NEB: variants seen among roughly 807,000 people sequenced by gnomAD.
NEB encodes the protein nemaline myopathy type 2.
A neutral mutation model predicts 952.2 loss-of-function variants in NEB; 512 were observed. That is an observed-to-expected ratio of 0.54 (90% confidence interval 0.50 to 0.58). The LOEUF is 0.58. Among genes scored for constraint, NEB ranks in the 20% least tolerant of loss-of-function variants. The probability of loss-of-function intolerance (pLI) is 0.00; values close to 1 mark genes in which losing one functional copy is unlikely to be tolerated. For missense variants in NEB, 8,428 were observed against 9,231.1 expected, an observed-to-expected ratio of 0.91 and a Z score of 3.56; for synonymous variants, 2,900 against 3,149.8, an observed-to-expected ratio of 0.92 and a Z score of 2.66.
Position 151,724,364 on chromosome 2 carries a change from C to T in NEB, c.508G>A (p.Val170Ile). 1.2e-6 allele frequency: 2 copies of T among 1,606,790 alleles called. No individual in the cohort carries two copies. Among genetic ancestry groups the T allele is most frequent in the Non-Finnish European group, 1.7e-6 (2 of 1,175,752 alleles). Residue 170 changes from valine to isoleucine, a missense_variant and splice_region_variant, in exon 8 of 182, where the codon GTT becomes ATT. This residue lies in a region of NEB where 2,851 missense variants were observed against 2,791.5 expected (regional missense o/e 1.02). Coordinates refer to ENST00000397345, the MANE Select transcript of NEB (RefSeq NM_001164508.2). The stretch of plus-strand genomic sequence containing the variant: ...TCTTCCCAGTTCTGCTTGTATAAAA[C>T]CTAGACAGAAGGAGCAGAGGATCTG... ...AKKVSQQVSK[V>I]LYKQNWEDTK...
At chr2:151,690,678 G>A in intron 24 of NEB, 49 bp downstream of exon 24, 2 of 1,327,230 alleles carry the variant, frequency 1.5e-6, no homozygotes, top group Non-Finnish European at 2.1e-6. Flanking sequence ...CATTTTAAAT[G>A]AGCAAAGCAC....
intron 57 of NEB, 55 bp from the exon 58 acceptor site, chr2:151,643,408 A>C (rs1324919630): frequency 5.0e-6 from 7 of 1,405,694 alleles, no homozygotes; most frequent in Non-Finnish European, 5.8e-6. Context: ...ACAATTTGTC[A>C]TAATTTGTCA....
chr2:151,502,029 G>T (rs762428980), intron 167 of NEB, among the ~76,000 whole-genome samples: 1 of 152,198 alleles, frequency 6.6e-6, no homozygotes, highest in Non-Finnish European at 1.5e-5. Context: ...GAATGAAAAT[G>T]TTTAAGAATG....
chr2:151,595,181 AG>A (rs2097393864), intron 92 of NEB, among the ~76,000 whole-genome samples: 1 of 141,760 alleles, frequency 7.1e-6, no homozygotes, highest in South Asian at 2.5e-4. Flanking sequence ...ACGCAGAGAA[AG>A]GGAACAAGGT....
intron 161 of NEB, among the ~76,000 whole-genome samples, chr2:151,508,946 C>T (rs751332969): frequency 3.3e-5 from 5 of 152,196 alleles, no homozygotes; most frequent in African/African-American, 7.2e-5. Flanking sequence ...CTTTCATCAT[C>T]GCTTGTCACT....
In NEB at chr2:151,609,800, G is replaced by T. The variant is rs770107122; in HGVS notation, c.12330+9C>A. The stretch of plus-strand genomic sequence containing the variant: ...CCCTTCCCCCTTTCCCAAAATTCAT[G>T]TTACGTACATCACTCTGCAGGTCAT... On this transcript the variant is annotated intron_variant, in intron 81 of 181. Coordinates refer to ENST00000397345, the MANE Select transcript of NEB (RefSeq NM_001164508.2). 2.6e-6 allele frequency: 4 copies of T among 1,554,312 alleles called. No individual in the cohort carries two copies. Among genetic ancestry groups the T allele is most frequent in the Non-Finnish European group, 3.5e-6 (4 of 1,151,972 alleles).
intron 57 of NEB, among the ~76,000 whole-genome samples, 154 bp downstream of exon 57, chr2:151,643,664 G>A (rs1205335798): frequency 6.6e-6 from 1 of 152,144 alleles, no homozygotes; most frequent in Admixed American, 6.6e-5. Flanking sequence ...CTTTCTTTGT[G>A]GAATAATGGT....
chr2:151,527,424 A>G, intron 147 of NEB, 57 bp downstream of exon 147: 1 of 1,216,808 alleles, frequency 8.2e-7, no homozygotes. Context: ...ATAATTATTC[A>G]TTGTATTTCT....
Position 151,667,796 on chromosome 2 carries a change from A to G in NEB, c.4719+8T>C, listed in dbSNP as rs1169920047. ...ATAGAAAGTTTCCTACTTTTAAGTT[A>G]GACTTACATCACTAGCAATATTCCT... is the stretch of plus-strand genomic sequence containing the variant. On this transcript the variant is annotated splice_region_variant and intron_variant, in intron 40 of 181. Transcript: ENST00000397345. 6.2e-7 allele frequency: 1 copy of G among 1,607,506 alleles called. No homozygotes were observed. Among genetic ancestry groups the G allele is most frequent in the Non-Finnish European group, 8.5e-7 (1 of 1,175,218 alleles).
At chr2:151,490,116 TG>T (rs751462080) in intron 180 of NEB, 39 bp from the exon 181 acceptor site, 2 of 1,466,952 alleles carry the variant, frequency 1.4e-6, no homozygotes. Flanking sequence ...AGAAGAAAAA[TG>T]GCTAGGTATC....
At chr2:151,563,543 C>A in intron 119 of NEB, 63 bp downstream of exon 119, 1 of 1,401,190 alleles carries the variant, frequency 7.1e-7, no homozygotes. Context: ...AAGTTATAAA[C>A]AGGCAGACAC....
Position 151,633,499 on chromosome 2 carries a change from G to A in NEB, c.9414+155C>T, listed in dbSNP as rs560431879. 5.3e-5 allele frequency among the ~76,000 whole-genome samples: 8 copies of A among 152,222 alleles called. No individual in the cohort carries two copies. The South Asian group carries it at 1.2e-3, about 24-fold the overall frequency. Reference sequence around the variant, plus strand: ...TTACTTTCTTATGAAGTCTATTAGTGTATTCATAATAAAGCAATAAAATTG... The same window carrying A: ...TTACTTTCTTATGAAGTCTATTAGTATATTCATAATAAAGCAATAAAATTG... On this transcript the variant is annotated intron_variant, in intron 65 of 181. Coordinates refer to ENST00000397345, the MANE Select transcript of NEB (RefSeq NM_001164508.2).
At position 151,513,622 on chromosome 2, in the gene NEB, C is replaced by A; in HGVS notation, c.23199G>T (p.Pro7733=). ...TAGCATTCCTGGCCCTCATAAAATCCGGAGTTTCATTGGCCATGGCATTCA... is the reference window on the plus strand; with the variant it reads ...TAGCATTCCTGGCCCTCATAAAATCAGGAGTTTCATTGGCCATGGCATTCA... The part of the protein sequence containing the change: ...RGLNAMANET[P]DFMRARNATD... Residue 7733 remains proline (P), a synonymous_variant, in exon 160 of 182, where the codon CCG becomes CCT. Transcript: ENST00000397345. 2 of 1,610,260 alleles carry A rather than the reference C, an allele frequency of 1.2e-6. No homozygotes were observed. The highest frequency in any genetic ancestry group is 1.7e-6 in the Non-Finnish European group (2 of 1,178,366).
chr2:151,659,456 A>G (rs2099122675), intron 46 of NEB, among the ~76,000 whole-genome samples: 1 of 151,930 alleles, frequency 6.6e-6, no homozygotes. Flanking sequence ...ATGCACTACC[A>G]TGCCTGGCTA....
rs183605172 is a variant in NEB, at chr2:151,521,473, A to G, written c.22480-1705T>C. Among the ~76,000 whole-genome samples, 399 of 152,266 alleles carry G rather than the reference A, an allele frequency of 2.6e-3. 10 individuals carry two copies. Among genetic ancestry groups the G allele is most frequent in the Non-Finnish European group, 4.9e-4 (33 of 67,998 alleles). ...TGAGCTGGTGTCTGGACCAAAGGCA[A>G]CTTTTCCTAAGAGATATAGAAGTCC... On this transcript the variant is annotated intron_variant, in intron 153 of 181. Transcript: ENST00000397345.
At chr2:151,643,082 C>T in intron 58 of NEB, 68 bp downstream of exon 58, 1 of 1,474,250 alleles carries the variant, frequency 6.8e-7, no homozygotes. Context: ...TTCTTTTATA[C>T]AAACAGACTT....
At position 151,561,281 on chromosome 2, in the gene NEB, A is replaced by G. The variant is rs774669824; in HGVS notation, c.19028T>C (p.Leu6343Pro). The change falls in exon 122 of 182, where the codon CTA becomes CCA. Residue 6343 changes from leucine (L) to proline (P), a missense_variant. Physicochemically the swap from Leu to Pro is moderately conservative, Grantham distance 98. Around this residue, in one of 11 missense-constraint regions of NEB, gnomAD observed 3,374 missense variants for 3,651.5 expected, o/e 0.92. Coordinates refer to ENST00000397345, the MANE Select transcript of NEB (RefSeq NM_001164508.2). ...LQYTAAGKEN[L>P]QNYNLVTDTP... ...GTCTGTGACCAGATTATAGTTTTGTAGATTTTCTTTACCTGCTGCTGTATA... is the reference window on the plus strand; with the variant it reads ...GTCTGTGACCAGATTATAGTTTTGTGGATTTTCTTTACCTGCTGCTGTATA... The G allele has an allele frequency of 6.2e-7, 1 of 1,603,432 alleles. No individual in the cohort carries two copies. Among genetic ancestry groups the G allele is most frequent in the Non-Finnish European group, 8.5e-7 (1 of 1,174,432 alleles).
intron 167 of NEB, 68 bp from the exon 168 acceptor site, chr2:151,501,551 A>G (rs1046362166): frequency 5.0e-6 from 4 of 801,372 alleles, no homozygotes; most frequent in Non-Finnish European, 7.3e-6. Flanking sequence ...TTAACCTAAA[A>G]AAACAGCCTA....
Position 151,656,016 on chromosome 2 carries a change from T to C in NEB, c.6503A>G (p.Tyr2168Cys). 1 of 1,612,994 alleles carries C rather than the reference T, an allele frequency of 6.2e-7. No homozygotes were observed. The highest frequency in any genetic ancestry group is 8.5e-7 in the Non-Finnish European group (1 of 1,179,240). ...GTACCATTCATTGTAATCTTGCTTA[T>C]ATTCATTCTATAAAGAAGATAAGCA... Reference protein sequence around the residue: ...NMNRIQSDNEYKQDYNEWYKG... With the variant: ...NMNRIQSDNECKQDYNEWYKG... Residue 2168 changes from tyrosine (Y) to cysteine (C), a missense_variant, in exon 50 of 182, where the codon TAT becomes TGT. By Grantham distance (194) the Tyr-to-Cys change is radical (BLOSUM62 -2). This residue lies in a region of NEB where 2,851 missense variants were observed against 2,791.5 expected (regional missense o/e 1.02). Coordinates refer to ENST00000397345, the MANE Select transcript of NEB (RefSeq NM_001164508.2).
Sources: allele counts gnomAD v4.1 joint callset (sites outside exome capture counted in the v4.1 genomes callset), GRCh38; gene constraint gnomAD v4.1.1; regional missense constraint gnomAD v4.1.1; transcripts MANE v1.5; gene names NCBI Gene and HGNC (gene_info 2026-07-23, HGNC 2026-07-21).